The following FRMPD1 variants were observed in gnomAD, a reference collection of about 807,000 sequenced individuals.
FRMPD1 encodes the protein FERM and PDZ domain-containing protein 1.
A neutral mutation model predicts 117.8 loss-of-function variants in FRMPD1; 76 were observed. The ratio of observed to expected loss-of-function variants is 0.65; its 90% CI spans 0.54 to 0.78. The LOEUF (loss-of-function observed/expected upper bound fraction) is 0.78, where lower values mean the gene tolerates loss of function less well. Ranked by LOEUF, FRMPD1 falls within the 30% of genes least tolerant of loss-of-function variation. FRMPD1 has a pLI of 0.00. For missense variants in FRMPD1, 1,786 were observed against 1,964.5 expected (o/e 0.91, Z 1.72); for synonymous variants, 783 against 770.4 (o/e 1.02, Z -0.27).
At chr9:37,718,557 C>T (rs1173512287) in intron 5 of FRMPD1, among the ~76,000 whole-genome samples, 3 of 152,222 alleles carry the variant, frequency 2.0e-5, no homozygotes, top group Admixed American at 2.0e-4. Context: ...AAGATAAGAG[C>T]GAAGTGGAGC....
chr9:37,648,364 G>A (rs972563408), upstream of FRMPD1, among the ~76,000 whole-genome samples: 10 of 152,092 alleles, frequency 6.6e-5, no homozygotes, highest in South Asian at 2.1e-4. Flanking sequence ...TAGAGATGGC[G>A]CCACACGGGT....
At chr9:37,677,751 G>C (rs1292104739) in intron 1 of FRMPD1, among the ~76,000 whole-genome samples, 1 of 152,208 alleles carries the variant, frequency 6.6e-6, no homozygotes, top group Admixed American at 6.5e-5. Flanking sequence ...CACCAAACAA[G>C]ATCATCTGCC....
intron 1 of FRMPD1, among the ~76,000 whole-genome samples, chr9:37,687,629 C>G (rs1028305414): frequency 4.6e-5 from 7 of 152,192 alleles, no homozygotes; most frequent in Non-Finnish European, 7.3e-5. Flanking sequence ...CATTCTTGAT[C>G]CTCCATGGTA....
rs1009605134 is a variant in FRMPD1, at chr9:37,675,539, G to C, written c.-4-17099G>C. Among the ~76,000 whole-genome samples the C allele has an allele frequency of 3.3e-5, 5 of 152,176 alleles. No homozygotes were observed. In the South Asian group the frequency reaches 1.0e-3, roughly 31 times the overall value. On this transcript the variant is annotated intron_variant, in intron 1 of 15. Transcript: ENST00000377765. ...TCACATTTACAGGAGTTGGAAAGTG[G>C]TTGGATATGGGGGGAGGGTACAAAG...
At chr9:37,610,993 T>G in the FRMPD1 span, among the ~76,000 whole-genome samples, 2 of 152,256 alleles carry the variant, frequency 1.3e-5, no homozygotes, top group Non-Finnish European at 2.9e-5. Flanking sequence ...ACATTTAGGT[T>G]GTTTCCAGTC....
intron 1 of FRMPD1, among the ~76,000 whole-genome samples, chr9:37,672,858 C>T (rs1588915628): frequency 6.6e-6 from 1 of 152,132 alleles, no homozygotes; most frequent in Non-Finnish European, 1.5e-5. Context: ...TATCATGAGA[C>T]TAGCATAGGA....
chr9:37,743,520 CTTTTTTTTTTTTTTTT>C lies in FRMPD1; in HGVS notation c.2357-845_2357-830del, dbSNP rs531949141. On this transcript the variant is annotated intron_variant, in intron 15 of 15. Transcript: ENST00000377765. ...ATTGTGGTTGGAAAGAATGGCTCTG[CTTTTTTTTTTTTTTTT>C]TTTTTTTTTTTTTTTTTTTTTTTAA... 8.3e-3 allele frequency among the ~76,000 whole-genome samples: 340 copies of C among 40,920 alleles called. 9 individuals carry two copies. Among genetic ancestry groups the C allele is most frequent in the African/African-American group, 0.021 (280 of 13,328 alleles). The allele number at this position is 40,920 out of a possible 152,430, so 26.8% of individuals were successfully genotyped here.
intron 1 of FRMPD1, among the ~76,000 whole-genome samples, chr9:37,659,609 C>CACA (rs1820936283): frequency 1.3e-5 from 2 of 152,122 alleles, no homozygotes; most frequent in Admixed American, 1.3e-4. Flanking sequence ...TAGTGGAAGA[C>CACA]TTATGTCTTC....
chr9:37,654,287 T>C (rs1010387578), intron 1 of FRMPD1, among the ~76,000 whole-genome samples: 5 of 152,094 alleles, frequency 3.3e-5, no homozygotes, highest in Non-Finnish European at 5.9e-5. Flanking sequence ...TGGGACTCCA[T>C]TGGAGGGTGG....
At chr9:37,707,366 A>G (rs1369731963) in intron 2 of FRMPD1, 50 bp from the exon 3 acceptor site, 3 of 1,557,490 alleles carry the variant, frequency 1.9e-6, no homozygotes, top group South Asian at 1.2e-5. Context: ...GTTCGTGACC[A>G]ACAACTAGAG....
intron 6 of FRMPD1, among the ~76,000 whole-genome samples, chr9:37,720,414 C>T (rs889127839): frequency 3.3e-5 from 5 of 152,142 alleles, no homozygotes; most frequent in Non-Finnish European, 4.4e-5. Context: ...CCTGTAATCC[C>T]AGCACTCTGG....
intron 1 of FRMPD1, among the ~76,000 whole-genome samples, chr9:37,651,779 C>T (rs1820683435): frequency 6.6e-6 from 1 of 152,256 alleles, no homozygotes; most frequent in South Asian, 2.1e-4. Context: ...CAAGTGCCCC[C>T]TGCTTTTGCC....
At chr9:37,667,275 A>G (rs564148464) in intron 1 of FRMPD1, among the ~76,000 whole-genome samples, 5 of 150,760 alleles carry the variant, frequency 3.3e-5, no homozygotes, top group Non-Finnish European at 7.4e-5. Flanking sequence ...CATGTTGGCC[A>G]GGCTGGTCTA....
In FRMPD1 at chr9:37,717,376, T is replaced by C. The variant is rs1223204755; in HGVS notation, c.409-1693T>C. On this transcript the variant is annotated intron_variant, in intron 5 of 15. Coordinates refer to ENST00000377765, the MANE Select transcript of FRMPD1 (RefSeq NM_014907.3). Reference sequence around the variant, plus strand: ...GTGTGTGTGTGTGTGTGTGTATATATATATATTTTTTTTTTTTTTTTGAGA... The same window carrying C: ...GTGTGTGTGTGTGTGTGTGTATATACATATATTTTTTTTTTTTTTTTGAGA... Among the ~76,000 whole-genome samples, 4 of 112,924 alleles carry C rather than the reference T, an allele frequency of 3.5e-5. No homozygotes were observed. In the East Asian group the frequency reaches 8.6e-4, roughly 24 times the overall value. The allele number at this position is 112,924 out of a possible 152,430, so 74.1% of individuals were successfully genotyped here.
chr9:37,705,729 G>C (rs561707826), intron 2 of FRMPD1, among the ~76,000 whole-genome samples: 1 of 151,898 alleles, frequency 6.6e-6, no homozygotes, highest in African/African-American at 2.4e-5. Context: ...TGTAATCCCA[G>C]CACTTTGGGT....
the FRMPD1 span, among the ~76,000 whole-genome samples, chr9:37,617,876 G>T: frequency 4.6e-5 from 7 of 152,274 alleles, no homozygotes; most frequent in South Asian, 1.5e-3. Flanking sequence ...CTGCCCTTTC[G>T]TGGGTCCCAG....
rs766984686 is a variant in FRMPD1 at position 37,737,228 on chromosome 9, G to C, written c.1534G>C (p.Val512Leu). 14 of 1,614,112 alleles carry C rather than the reference G, an allele frequency of 8.7e-6. No homozygotes were observed. Among genetic ancestry groups the C allele is most frequent in the Admixed American group, 1.7e-5 (1 of 60,014 alleles). ...WPGNKQQAHR[V>L]SAEEGYESRA... Reference sequence around the variant, plus strand: ...TGGAAACAAACAACAAGCGCACCGGGTATCTGCAGAAGAAGGTGAGGCACT... The same window carrying C: ...TGGAAACAAACAACAAGCGCACCGGCTATCTGCAGAAGAAGGTGAGGCACT... The change falls in exon 14 of 16, where the codon GTA becomes CTA. Residue 512 changes from valine (V) to leucine (L), a missense_variant. By Grantham distance (32) the Val-to-Leu change is conservative. Coordinates refer to ENST00000377765, the MANE Select transcript of FRMPD1 (RefSeq NM_014907.3).
the FRMPD1 span, among the ~76,000 whole-genome samples, chr9:37,616,997 G>A: frequency 6.6e-6 from 1 of 152,208 alleles, no homozygotes; most frequent in South Asian, 2.1e-4. Flanking sequence ...CCATTCTTAT[G>A]CATTGCTTGC....
At chr9:37,650,811 C>T (rs1410761305), upstream of FRMPD1, among the ~76,000 whole-genome samples, 1 of 149,902 alleles carries the variant, frequency 6.7e-6, no homozygotes, top group Non-Finnish European at 1.5e-5. Context: ...GCGGAGGCGG[C>T]GCGCGGGGCT....
Sources: allele counts gnomAD v4.1 joint callset (sites outside exome capture counted in the v4.1 genomes callset), GRCh38; gene constraint gnomAD v4.1.1; transcripts MANE v1.5; gene names NCBI Gene and HGNC (gene_info 2026-07-23, HGNC 2026-07-21).